The following TMEM39B variants were observed in gnomAD, a reference collection of about 807,000 sequenced individuals.
TMEM39B encodes the protein transmembrane protein 39B.
In TMEM39B, 23 loss-of-function variants were observed where a neutral mutation model predicts 52.2. The observed-to-expected ratio is 0.44, with a 90% CI of 0.32 to 0.62. TMEM39B has a LOEUF of 0.62. TMEM39B is among the 20% of genes least tolerant of loss of function. The probability of loss-of-function intolerance (pLI) is 0.06; values close to 1 mark genes in which losing one functional copy is unlikely to be tolerated. For missense variants in TMEM39B, 547 were observed against 642.0 expected (o/e 0.85, Z 1.60); for synonymous variants, 285 against 264.0 (o/e 1.08, Z -0.77).
upstream of TMEM39B, chr1:32,072,871 A>T: frequency 1.2e-6 from 1 of 801,822 alleles, no homozygotes; most frequent in Non-Finnish European, 1.9e-6. Context: ...CGGCCCCTTT[A>T]AGAAGCGCGC....
In TMEM39B at chr1:32,075,723, C is replaced by G. The variant is rs1639823822; in HGVS notation, c.252C>G (p.Leu84=). 1 of 1,551,626 alleles carries G rather than the reference C, an allele frequency of 6.4e-7. No homozygotes were observed. The highest frequency in any genetic ancestry group is 2.0e-5 in the Admixed American group (1 of 50,968). ...VQASILFELQ[L]FFCQLIALFV... ...CCAGCATTCTGTTTGAGTTGCAGCT[C>G]TTCTTCTGCCAGCTCATAGCACTCT... Residue 84 remains leucine, a synonymous_variant, in exon 3 of 9, where the codon CTC becomes CTG. Transcript: ENST00000336294.
In TMEM39B at chr1:32,102,542, A is replaced by G; in HGVS notation, c.1348A>G (p.Ile450Val). ...GTCCTCTGAAAAGTGGCACCAGACC[A>G]TCTCGCTGGCCCTCATCCTCTTCAG... ...LMSSEKWHQT[I>V]SLALILFSNY... The change falls in exon 9 of 9, where the codon ATC (isoleucine) becomes GTC (valine). Residue 450 changes from isoleucine (I) to valine (V), a missense_variant. Physicochemically the swap from Ile to Val is conservative, Grantham distance 29 (BLOSUM62 3). Coordinates refer to ENST00000336294, the MANE Select transcript of TMEM39B (RefSeq NM_018056.4). 6.2e-7 allele frequency: 1 copy of G among 1,614,144 alleles called. No homozygotes were observed.
In TMEM39B at chr1:32,084,278, G is replaced by A. The variant is rs537741640; in HGVS notation, c.590+6960G>A. Among the ~76,000 whole-genome samples the A allele has an allele frequency of 3.3e-5, 5 of 152,050 alleles. No homozygotes were observed. The East Asian group carries it at 7.7e-4, about 23-fold the overall frequency. On this transcript the variant is annotated intron_variant, in intron 5 of 8. Coordinates refer to ENST00000336294, the MANE Select transcript of TMEM39B (RefSeq NM_018056.4). ...CTTCTCCCTGCTTCCCCCTACAAAGGCATCCCTCCTGGAGCCCTTCCTCCT... is the reference window on the plus strand; with the variant it reads ...CTTCTCCCTGCTTCCCCCTACAAAGACATCCCTCCTGGAGCCCTTCCTCCT...
rs374449944 is a variant in TMEM39B at position 32,077,182 on chromosome 1, G to T, written c.454G>T (p.Val152Phe). The T allele has an allele frequency of 1.9e-6, 3 of 1,614,002 alleles. No individual in the cohort carries two copies. The Admixed American group carries it at 5.0e-5, about 27-fold the overall frequency. The change falls in exon 5 of 9, where the codon GTC becomes TTC. Residue 152 changes from valine to phenylalanine, a missense_variant. Physicochemically the swap from Val to Phe is conservative, Grantham distance 50 (BLOSUM62 -1). Coordinates refer to ENST00000336294, the MANE Select transcript of TMEM39B (RefSeq NM_018056.4). The part of the protein sequence containing the change: ...IVKEASQRGK[V>F]SLFRSILLFL... ...GACCCAGGCCTCTCAGAGGGGGAAG[G>T]TCTCCCTCTTTCGCTCCATCCTGCT...
chr1:32,101,250 GT>G (rs1377165452), intron 8 of TMEM39B, among the ~76,000 whole-genome samples: 2 of 152,052 alleles, frequency 1.3e-5, no homozygotes, highest in Non-Finnish European at 2.9e-5. Flanking sequence ...ATATGCTAGG[GT>G]TATCTCTGTT....
At chr1:32,073,590 AAG>A in intron 1 of TMEM39B, 4 of 988,380 alleles carry the variant, frequency 4.0e-6, no homozygotes, top group Non-Finnish European at 4.8e-6. Context: ...AGAGCTTCTA[AAG>A]AGAGGAGAGT....
At position 32,073,038 on chromosome 1, in the gene TMEM39B, G is replaced by T. The variant is rs192506946; in HGVS notation, c.-10G>T. 70 of 1,524,450 alleles carry T rather than the reference G, an allele frequency of 4.6e-5. No individual in the cohort carries two copies. The highest frequency in any genetic ancestry group is 9.9e-5 in the African/African-American group (7 of 70,706). The allele number at this position is 1,524,450 out of a possible 1,614,324, so 94.4% of individuals were successfully genotyped here. A position where few individuals can be genotyped will look rare whatever the true frequency, so the allele number is the denominator to read the frequency against. On this transcript the variant is annotated 5_prime_UTR_variant, in exon 1 of 9. Coordinates refer to ENST00000336294, the MANE Select transcript of TMEM39B (RefSeq NM_018056.4). Reference sequence around the variant, plus strand: ...TGCGGCGGCGAAGCGGAGAGCACCGGGGGGAGGAGATGGGTGAGCAGAGCG... The same window carrying T: ...TGCGGCGGCGAAGCGGAGAGCACCGTGGGGAGGAGATGGGTGAGCAGAGCG...
chr1:32,082,840 T>C (rs553959534), intron 5 of TMEM39B, among the ~76,000 whole-genome samples: 16 of 151,954 alleles, frequency 1.1e-4, no homozygotes, highest in African/African-American at 3.1e-4. Flanking sequence ...AGTGGCACGA[T>C]CTCAACTCAC....
Position 32,072,955 on chromosome 1 carries a change from C to T in TMEM39B, c.-93C>T, listed in dbSNP as rs1350526883. The stretch of plus-strand genomic sequence containing the variant: ...CGCGCGGCTGATACCCGGGACTGGG[C>T]TGCGGCGGTTAGTCCTCTCCCGGCC... On this transcript the variant is annotated 5_prime_UTR_variant, in exon 1 of 9. Coordinates refer to ENST00000336294, the MANE Select transcript of TMEM39B (RefSeq NM_018056.4). 5.4e-6 allele frequency: 8 copies of T among 1,484,108 alleles called. No homozygotes were observed. Among genetic ancestry groups the T allele is most frequent in the Non-Finnish European group, 7.3e-6 (8 of 1,103,386 alleles). The allele number at this position is 1,484,108 out of a possible 1,614,324, so 91.9% of individuals were successfully genotyped here. A position where few individuals can be genotyped will look rare whatever the true frequency, so the allele number is the denominator to read the frequency against.
chr1:32,082,112 T>A (rs900347567), intron 5 of TMEM39B, among the ~76,000 whole-genome samples: 1 of 150,628 alleles, frequency 6.6e-6, no homozygotes, highest in African/African-American at 2.4e-5. Context: ...CTATACTTTT[T>A]TTTTCCATCA....
Position 32,073,266 on chromosome 1 carries a change from C to T in TMEM39B, c.4+215C>T, listed in dbSNP as rs540158386. On this transcript the variant is annotated intron_variant, in intron 1 of 8. Coordinates refer to ENST00000336294, the MANE Select transcript of TMEM39B (RefSeq NM_018056.4). ...TGGACGGTGGGCGGGGCTTCTAAGA[C>T]GAAGCCCTGTGGGGGCTTGGGCTTT... is the stretch of plus-strand genomic sequence containing the variant. 1.4e-4 allele frequency: 83 copies of T among 580,610 alleles called. No homozygotes were observed. The African/African-American group carries it at 1.5e-3, about 11-fold the overall frequency. 36.0% of individuals were successfully genotyped at this position (580,610 alleles called of 1,614,324 possible). A position where few individuals can be genotyped will look rare whatever the true frequency, so the allele number is the denominator to read the frequency against.
chr1:32,072,897 G>C (rs574549668), upstream of TMEM39B: 100 of 1,066,830 alleles, frequency 9.4e-5, no homozygotes, highest in East Asian at 3.1e-3. Context: ...CTTCCAGCCC[G>C]CCTTGTATGC....
At chr1:32,095,107 TC>T in intron 7 of TMEM39B, 136 bp downstream of exon 7, 2 of 1,089,552 alleles carry the variant, frequency 1.8e-6, no homozygotes, top group Non-Finnish European at 2.6e-6. Flanking sequence ...AGGCCAGGTG[TC>T]CAGGGTGGGG....
intron 1 of TMEM39B, chr1:32,073,406 G>T: frequency 2.0e-6 from 1 of 506,772 alleles, no homozygotes; most frequent in Admixed American, 4.9e-5. Flanking sequence ...CGGCGTTTCT[G>T]GGTTGGAGGG....
intron 5 of TMEM39B, among the ~76,000 whole-genome samples, chr1:32,086,389 G>A (rs1640351563): frequency 6.6e-6 from 1 of 152,046 alleles, no homozygotes; most frequent in African/African-American, 2.4e-5. Flanking sequence ...CCTGGTTATT[G>A]AGCACATGAA....
chr1:32,074,950 G>A lies in TMEM39B; in HGVS notation c.5-1G>A. Reference sequence around the variant, plus strand: ...GCTCTATTTTATGTTGAGCCCCACAGGAGGACGAAGAGGTCCCAACAGGAC... The same window carrying A: ...GCTCTATTTTATGTTGAGCCCCACAAGAGGACGAAGAGGTCCCAACAGGAC... On this transcript the variant is annotated splice_acceptor_variant, in intron 1 of 8. Transcript: ENST00000336294. LOFTEE classifies it high-confidence loss of function. 3 of 1,550,674 alleles carry A rather than the reference G, an allele frequency of 1.9e-6. No homozygotes were observed.
chr1:32,080,353 G>A (rs529574578), intron 5 of TMEM39B, among the ~76,000 whole-genome samples: 1 of 152,086 alleles, frequency 6.6e-6, no homozygotes, highest in African/African-American at 2.4e-5. Context: ...TCCTTCGAAA[G>A]GGTTGCACTG....
rs1380640188 is a variant in TMEM39B at position 32,075,856 on chromosome 1, G to A, written c.351+34G>A. The A allele has an allele frequency of 3.7e-5, 48 of 1,303,830 alleles. No individual in the cohort carries two copies. The East Asian group carries it at 8.9e-4, about 24-fold the overall frequency. The allele number at this position is 1,303,830 out of a possible 1,614,324, so 80.8% of individuals were successfully genotyped here. ...CCAACAAGGGTGTGTGTGTGTGTGT[G>A]TGTGTGTGCGTGTGTGTGTATGTGT... On this transcript the variant is annotated intron_variant, in intron 3 of 8. Coordinates refer to ENST00000336294, the MANE Select transcript of TMEM39B (RefSeq NM_018056.4).
intron 5 of TMEM39B, chr1:32,086,866 A>C (rs1249156353): frequency 6.6e-6 from 1 of 152,178 alleles, no homozygotes; most frequent in Non-Finnish European, 1.5e-5. Flanking sequence ...CAGGCCCAGG[A>C]GCTTGAGACC....
Sources: allele counts gnomAD v4.1 joint callset (sites outside exome capture counted in the v4.1 genomes callset), GRCh38; gene constraint gnomAD v4.1.1; transcripts MANE v1.5; gene names NCBI Gene and HGNC (gene_info 2026-07-23, HGNC 2026-07-21).